HMCN2: variants seen among roughly 807,000 people sequenced by gnomAD.
The protein encoded by HMCN2 is hemicentin-2.
In HMCN2, 325 loss-of-function variants were observed where a neutral mutation model predicts 377.5. The ratio of observed to expected loss-of-function variants is 0.86; its 90% CI spans 0.79 to 0.94. The LOEUF (loss-of-function observed/expected upper bound fraction) is 0.94. Among genes scored for constraint, HMCN2 ranks in the 40% least tolerant of loss-of-function variants. The pLI, the probability that HMCN2 is intolerant of heterozygous loss-of-function variation, is 0.00. For missense variants in HMCN2, 4,543 were observed against 4,725.3 expected, an observed-to-expected ratio of 0.96 and a Z score of 1.13; for synonymous variants, 2,007 against 2,046.8, an observed-to-expected ratio of 0.98 and a Z score of 0.53.
Position 130,419,949 on chromosome 9 carries a change from A to G in HMCN2, c.13231+908A>G, listed in dbSNP as rs374431681. 3.3e-5 allele frequency among the ~76,000 whole-genome samples: 5 copies of G among 152,188 alleles called. 1 individual carries two copies. The highest frequency in any genetic ancestry group is 3.9e-4 in the East Asian group (2 of 5,182). On this transcript the variant is annotated intron_variant, in intron 86 of 97. Coordinates refer to ENST00000683500, the MANE Select transcript of HMCN2 (RefSeq NM_001291815.2). Reference sequence around the variant, plus strand: ...CTCCCACAGGCCGGGGCAGGGTACCAACCTATGCAGCTCTGAAAGTTCAGC... The same window carrying G: ...CTCCCACAGGCCGGGGCAGGGTACCGACCTATGCAGCTCTGAAAGTTCAGC...
intron 77 of HMCN2, 81 bp from the exon 78 acceptor site, chr9:130,402,708 A>C (rs752708671): frequency 1.3e-4 from 106 of 808,866 alleles, no homozygotes; most frequent in Middle Eastern, 1.1e-3. Context: ...CCAGAGACAG[A>C]GTGGGGTTGT....
rs1470436190 is a variant in HMCN2, at chr9:130,376,586, C to T, written c.7989C>T (p.Asn2663=). 1 of 985,770 alleles carries T rather than the reference C, an allele frequency of 1.0e-6. No homozygotes were observed. The highest frequency in any genetic ancestry group is 1.2e-6 in the Non-Finnish European group (1 of 829,864). 61.1% of individuals were successfully genotyped at this position (985,770 alleles called of 1,614,324 possible). A position where few individuals can be genotyped will look rare whatever the true frequency, so the allele number is the denominator to read the frequency against. Reference sequence around the variant, plus strand: ...TGAAGGAGGTGAAGACCAAGGTCAACAGCACCTTGACCTTGGAGTGTGAGA... The same window carrying T: ...TGAAGGAGGTGAAGACCAAGGTCAATAGCACCTTGACCTTGGAGTGTGAGA... The part of the protein sequence containing the change: ...VGVKEVKTKV[N]STLTLECESW... Residue 2663 remains asparagine (N), a synonymous_variant, in exon 52 of 98, where the codon AAC becomes AAT. Transcript: ENST00000683500.
chr9:130,418,434 G>A (rs1321937637), intron 85 of HMCN2, among the ~76,000 whole-genome samples: 2 of 152,118 alleles, frequency 1.3e-5, no homozygotes, highest in East Asian at 1.9e-4. Context: ...GGTAGCAGGC[G>A]CTCTTGGGAG....
chr9:130,426,069 C>T, intron 90 of HMCN2, 145 bp downstream of exon 90: 1 of 664,150 alleles, frequency 1.5e-6, no homozygotes, highest in Non-Finnish European at 2.6e-6. Context: ...GCCCGGCTGG[C>T]CTACTCACCT....
chr9:130,383,650 G>A (rs1841856114), intron 57 of HMCN2, 50 bp downstream of exon 57: 1 of 867,872 alleles, frequency 1.2e-6, no homozygotes, highest in South Asian at 5.3e-5. Flanking sequence ...TCCCTTCCCA[G>A]GGGGCACTGC....
chr9:130,399,311 A>G (rs970509668), intron 75 of HMCN2, among the ~76,000 whole-genome samples, 200 bp from the exon 76 acceptor site: 5 of 152,168 alleles, frequency 3.3e-5, no homozygotes, highest in Admixed American at 6.5e-5. Flanking sequence ...ATGTACAGAG[A>G]AACAGGGATG....
At position 130,425,696 on chromosome 9, in the gene HMCN2, G is replaced by A; in HGVS notation, c.13651G>A (p.Glu4551Lys). The change falls in exon 90 of 98, where the codon GAG becomes AAG. Residue 4551 changes from glutamate (E) to lysine (K), a missense_variant. Glu to Lys is a moderately conservative substitution (Grantham distance 56). Coordinates refer to ENST00000683500, the MANE Select transcript of HMCN2 (RefSeq NM_001291815.2). ...CCTCTTCATCCTGCAGGACTTTGAG[G>A]AGCACTACGTGCAAACAGGGCCTGG... ...DADLQVQDFE[E>K]HYVQTGPGQL... 1 of 1,547,706 alleles carries A rather than the reference G, an allele frequency of 6.5e-7. No homozygotes were observed. The highest frequency in any genetic ancestry group is 8.7e-7 in the Non-Finnish European group (1 of 1,145,650).
At chr9:130,403,114 T>A (rs1842931500) in intron 78 of HMCN2, 80 bp from the exon 79 acceptor site, 18 of 1,214,848 alleles carry the variant, frequency 1.5e-5, no homozygotes, top group Non-Finnish European at 1.9e-5. Context: ...GGCCTCTCTC[T>A]CTGATGCTCC....
chr9:130,338,664 G>A (rs1838889946), intron 23 of HMCN2: 1 of 152,188 alleles, frequency 6.6e-6, no homozygotes, highest in African/African-American at 2.4e-5. Flanking sequence ...TCATTCAAAG[G>A]GAGCCAGCCA....
chr9:130,306,571 C>T (rs539829751), intron 12 of HMCN2, among the ~76,000 whole-genome samples: 7 of 150,134 alleles, frequency 4.7e-5, no homozygotes, highest in African/African-American at 9.8e-5. Context: ...TGCCGACCTA[C>T]GCCCAAATCC....
At chr9:130,416,106 T>A (rs371730006) in intron 85 of HMCN2, among the ~76,000 whole-genome samples, 62,204 of 145,752 alleles carry the variant, frequency 0.43, 13,109 homozygotes, top group Middle Eastern at 0.51. Context: ...CTTTATTTTT[T>A]TTTTTTTTTT....
chr9:130,365,659 G>T lies in HMCN2; in HGVS notation c.6437G>T (p.Gly2146Val), dbSNP rs988922633. Residue 2146 changes from glycine to valine, a missense_variant, in exon 42 of 98, where the codon GGC (glycine) becomes GTC (valine). Physicochemically the swap from Gly to Val is moderately radical, Grantham distance 109. This residue lies in a region of HMCN2 where 1,032 missense variants were observed against 1,285.1 expected (regional missense o/e 0.80). Transcript: ENST00000683500. ...QVDRADVWDA[G>V]HYTCEALNQA... The stretch of plus-strand genomic sequence containing the variant: ...GACAGAGCCGATGTGTGGGATGCGG[G>T]CCATTACACCTGTGAGGCACTGAAC... 2 of 985,934 alleles carry T rather than the reference G, an allele frequency of 2.0e-6. No homozygotes were observed. The highest frequency in any genetic ancestry group is 2.4e-6 in the Non-Finnish European group (2 of 830,070). The allele number at this position is 985,934 out of a possible 1,614,324, so 61.1% of individuals were successfully genotyped here.
rs1374044282 is a variant in HMCN2, at chr9:130,375,742, G to A, written c.7804+6G>A. The stretch of plus-strand genomic sequence containing the variant: ...GAACATCCAGCTGCTCCCAGGTGAC[G>A]CCCTCTGGGGGGAAAGGAGGGAGGG... On this transcript the variant is annotated splice_donor_region_variant and intron_variant, in intron 50 of 97. Transcript: ENST00000683500. 5 of 985,614 alleles carry A rather than the reference G, an allele frequency of 5.1e-6. No individual in the cohort carries two copies. The highest frequency in any genetic ancestry group is 6.0e-6 in the Non-Finnish European group (5 of 829,848). The allele number at this position is 985,614 out of a possible 1,614,324, so 61.1% of individuals were successfully genotyped here. A position where few individuals can be genotyped will look rare whatever the true frequency, so the allele number is the denominator to read the frequency against.
At chr9:130,305,026 G>T (rs1564767767) in intron 11 of HMCN2, 24 bp downstream of exon 11, 2 of 461,286 alleles carry the variant, frequency 4.3e-6, no homozygotes, top group South Asian at 3.1e-5. Flanking sequence ...TGCTGCTGCT[G>T]TTCCCCTAAT....
chr9:130,394,298 C>A lies in HMCN2; in HGVS notation c.10502-87C>A, dbSNP rs1053247258. 4 of 861,570 alleles carry A rather than the reference C, an allele frequency of 4.6e-6. No homozygotes were observed. Among genetic ancestry groups the A allele is most frequent in the African/African-American group, 3.5e-5 (2 of 57,278 alleles). The allele number at this position is 861,570 out of a possible 1,614,324, so 53.4% of individuals were successfully genotyped here. Reference sequence around the variant, plus strand: ...GGGCCACCAAAATGTGGGAGCAGAGCCCCTGGACTCAGCACAGTGTTTTCA... The same window carrying A: ...GGGCCACCAAAATGTGGGAGCAGAGACCCTGGACTCAGCACAGTGTTTTCA... On this transcript the variant is annotated intron_variant, in intron 68 of 97. Coordinates refer to ENST00000683500, the MANE Select transcript of HMCN2 (RefSeq NM_001291815.2). The surrounding 1 kb of genome is among the most constrained non-coding windows in gnomAD (Gnocchi z 5.1).
At position 130,385,789 on chromosome 9, in the gene HMCN2, C is replaced by T. The variant is rs543067446; in HGVS notation, c.9309+27C>T. On this transcript the variant is annotated intron_variant, in intron 60 of 97. Transcript: ENST00000683500. ...TGAGCAACCCTGGGGGCACGGGCAG[C>T]CATGAGCGCTGCAGGAAAGTCGCCT... 69 of 1,292,180 alleles carry T rather than the reference C, an allele frequency of 5.3e-5. No homozygotes were observed. The African/African-American group carries it at 1.1e-3, about 20-fold the overall frequency. 80.0% of individuals were successfully genotyped at this position (1,292,180 alleles called of 1,614,324 possible).
chr9:130,407,318 G>C, intron 82 of HMCN2: 1 of 267,244 alleles, frequency 3.7e-6, no homozygotes, highest in South Asian at 3.2e-5. Flanking sequence ...CCTGTGCTGA[G>C]AGGCCCCCAA....
chr9:130,394,688 G>A lies in HMCN2; in HGVS notation c.10692+113G>A. The A allele has an allele frequency of 1.2e-6, 1 of 849,990 alleles. No homozygotes were observed. The highest frequency in any genetic ancestry group is 3.1e-5 in the Admixed American group (1 of 32,128). The allele number at this position is 849,990 out of a possible 1,614,324, so 52.7% of individuals were successfully genotyped here. A position where few individuals can be genotyped will look rare whatever the true frequency, so the allele number is the denominator to read the frequency against. On this transcript the variant is annotated intron_variant, in intron 69 of 97. Coordinates refer to ENST00000683500, the MANE Select transcript of HMCN2 (RefSeq NM_001291815.2). This position sits in a 1 kb window ranked among gnomAD's most constrained non-coding sequence, Gnocchi z 5.1. ...AAAGTTGGGCTGAAGCACCTCCTCT[G>A]TGTGGGGTGTGAGGGTGTGGAGGTG...
rs547305646 is a variant in HMCN2, at chr9:130,360,362, T to G, written c.5774-66T>G. The G allele has an allele frequency of 1.8e-5, 17 of 922,068 alleles. No homozygotes were observed. Among genetic ancestry groups the G allele is most frequent in the Non-Finnish European group, 2.3e-5 (17 of 723,902 alleles). 57.1% of individuals were successfully genotyped at this position (922,068 alleles called of 1,614,324 possible). A position where few individuals can be genotyped will look rare whatever the true frequency, so the allele number is the denominator to read the frequency against. On this transcript the variant is annotated intron_variant, in intron 37 of 97. Coordinates refer to ENST00000683500, the MANE Select transcript of HMCN2 (RefSeq NM_001291815.2). The surrounding 1 kb of genome is among the most constrained non-coding windows in gnomAD (Gnocchi z 4.7). The stretch of plus-strand genomic sequence containing the variant: ...GCATCTCTCTTCCTTTCCCCCTTAC[T>G]TCTCTCTTCCATTCCCCCTTGCTTC...
Sources: gnomAD v4.1 joint callset for allele counts (sites outside exome capture counted in the v4.1 genomes callset) on GRCh38, gnomAD v4.1.1 for gene constraint, gnomAD v4.1.1 regional missense constraint, Gnocchi (gnomAD v3.1) non-coding constraint, MANE v1.5 for transcripts, NCBI Gene and HGNC (gene_info 2026-07-23, HGNC 2026-07-21) for gene names.